OR52N4: variants seen among roughly 807,000 people sequenced by gnomAD.
OR52N4 encodes the protein olfactory receptor 52N4.
Under a neutral mutation model 15.0 loss-of-function variants are expected in OR52N4, and 15 were observed. The ratio of observed to expected loss-of-function variants is 1.00; its 90% CI spans 0.67 to 1.54. The LOEUF (loss-of-function observed/expected upper bound fraction) is 1.54, where lower values mean the gene tolerates loss of function less well. Among genes scored for constraint, OR52N4 ranks in the 40% most tolerant of loss-of-function variants. OR52N4 has a pLI of 0.00. For missense variants in OR52N4, 421 were observed against 394.0 expected (o/e 1.07, Z -0.58); for synonymous variants, 143 against 143.7 (o/e 1.00, Z 0.03).
chr11:5,739,847 G>A, the OR52N4 span, among the ~76,000 whole-genome samples: 1 of 127,886 alleles, frequency 7.8e-6, no homozygotes, highest in East Asian at 2.7e-4. Flanking sequence ...GTAAGAGGAC[G>A]AGAGCTAGGC....
At chr11:5,744,383 A>T in the OR52N4 span, among the ~76,000 whole-genome samples, 2 of 152,214 alleles carry the variant, frequency 1.3e-5, no homozygotes, top group Non-Finnish European at 2.9e-5. Flanking sequence ...CTGATTCCAA[A>T]GCCGGGTAAG....
At chr11:5,742,481 C>T in the OR52N4 span, among the ~76,000 whole-genome samples, 2 of 152,130 alleles carry the variant, frequency 1.3e-5, no homozygotes, top group African/African-American at 2.4e-5. Flanking sequence ...AGAGGCACAT[C>T]AAAACACCTA....
the OR52N4 span, among the ~76,000 whole-genome samples, chr11:5,741,189 C>G: frequency 6.6e-6 from 1 of 152,098 alleles, no homozygotes; most frequent in African/African-American, 2.4e-5. Context: ...AGGTTAAGTT[C>G]CAGTATGATT....
chr11:5,731,314 T>C, the OR52N4 span, among the ~76,000 whole-genome samples: 1 of 152,220 alleles, frequency 6.6e-6, no homozygotes, highest in Non-Finnish European at 1.5e-5. Flanking sequence ...TCATTGTAAA[T>C]GAGCTTCTTT....
the OR52N4 span, among the ~76,000 whole-genome samples, chr11:5,747,175 G>C: frequency 1.3e-5 from 2 of 150,728 alleles, no homozygotes; most frequent in Non-Finnish European, 2.9e-5. Flanking sequence ...TGAGAGAGAG[G>C]ATTTGAAATA....
the OR52N4 span, among the ~76,000 whole-genome samples, chr11:5,732,750 A>G: frequency 3.3e-5 from 5 of 152,018 alleles, no homozygotes; most frequent in African/African-American, 1.2e-4. Flanking sequence ...AATACTAGTC[A>G]CTCCAGTTTT....
At chr11:5,749,322 A>T (rs1024125526), upstream of OR52N4, among the ~76,000 whole-genome samples, 4 of 152,038 alleles carry the variant, frequency 2.6e-5, no homozygotes, top group Admixed American at 2.6e-4. Flanking sequence ...TTTATCATTT[A>T]TCCAGCTAAG....
At chr11:5,734,196 G>T in the OR52N4 span, 2 of 456,032 alleles carry the variant, frequency 4.4e-6, no homozygotes, top group Admixed American at 2.4e-5. Context: ...CTTCTGCCAC[G>T]CCTAGGATCC....
At chr11:5,742,768 T>C in the OR52N4 span, among the ~76,000 whole-genome samples, 1 of 152,084 alleles carries the variant, frequency 6.6e-6, no homozygotes, top group Non-Finnish European at 1.5e-5. Context: ...AGGGTGATAC[T>C]TGCGACAATA....
the OR52N4 span, among the ~76,000 whole-genome samples, chr11:5,734,953 G>C: frequency 6.6e-6 from 1 of 152,006 alleles, no homozygotes. Context: ...TCATTTGGGA[G>C]TATATGTTTA....
rs775787074 is a variant in OR52N4 at position 5,755,848 on chromosome 11, T to C, written c.*142T>C. ...AACTGGTGCATTCTCAATAAGTACC[T>C]TGGGAATCTCAACATCATTGGAAGG... On this transcript the variant is annotated 3_prime_UTR_variant, in exon 2 of 2. Coordinates refer to ENST00000641350, the MANE Select transcript of OR52N4 (RefSeq NM_001005175.5). 199 of 995,454 alleles carry C rather than the reference T, an allele frequency of 2.0e-4. No individual in the cohort carries two copies. Among genetic ancestry groups the C allele is most frequent in the Non-Finnish European group, 2.7e-4 (191 of 699,248 alleles). The allele number at this position is 995,454 out of a possible 1,614,324, so 61.7% of individuals were successfully genotyped here.
chr11:5,734,685 G>C, the OR52N4 span, among the ~76,000 whole-genome samples: 5 of 152,032 alleles, frequency 3.3e-5, no homozygotes, highest in Non-Finnish European at 7.4e-5. Flanking sequence ...TGTGATATTA[G>C]GATGTAAAGT....
chr11:5,742,266 GAA>G, the OR52N4 span, among the ~76,000 whole-genome samples: 1 of 152,136 alleles, frequency 6.6e-6, no homozygotes, highest in Admixed American at 6.5e-5. Flanking sequence ...TTCCTAGGGA[GAA>G]GAGAAATAAA....
the OR52N4 span, among the ~76,000 whole-genome samples, chr11:5,740,464 A>T: frequency 7.8e-6 from 1 of 127,884 alleles, no homozygotes; most frequent in Admixed American, 7.5e-5. Flanking sequence ...AGATGCTCTT[A>T]TCTCCTGAAG....
At chr11:5,733,082 T>G in the OR52N4 span, among the ~76,000 whole-genome samples, 1 of 152,234 alleles carries the variant, frequency 6.6e-6, no homozygotes, top group African/African-American at 2.4e-5. Flanking sequence ...GAAGTACTGT[T>G]GTCAGTGCTC....
the OR52N4 span, chr11:5,736,768 T>G: frequency 3.7e-6 from 6 of 1,614,082 alleles, no homozygotes; most frequent in South Asian, 5.5e-5. Context: ...GTCTGGCCAC[T>G]ACTATCATCC....
At chr11:5,735,002 T>C in the OR52N4 span, among the ~76,000 whole-genome samples, 1 of 152,082 alleles carries the variant, frequency 6.6e-6, no homozygotes, top group Admixed American at 6.6e-5. Context: ...TGAAAGGAAA[T>C]ACATTTAGTT....
chr11:5,734,503 A>G, the OR52N4 span, among the ~76,000 whole-genome samples: 14 of 152,062 alleles, frequency 9.2e-5, no homozygotes, highest in African/African-American at 3.4e-4. Flanking sequence ...TAATATATTA[A>G]CTGTTTTATA....
upstream of OR52N4, among the ~76,000 whole-genome samples, chr11:5,750,363 T>C (rs552657914): frequency 3.3e-5 from 5 of 152,074 alleles, no homozygotes; most frequent in East Asian, 1.9e-4. Flanking sequence ...ACATTAAAAA[T>C]AGCATTTTCC....
Sources: gnomAD v4.1 joint callset for allele counts (sites outside exome capture counted in the v4.1 genomes callset) on GRCh38, gnomAD v4.1.1 for gene constraint, MANE v1.5 for transcripts, NCBI Gene and HGNC (gene_info 2026-07-23, HGNC 2026-07-21) for gene names.